Variants in SOX5 observed in about 807,000 individuals in gnomAD.
The protein encoded by SOX5 is transcription factor SOX-5.
In SOX5, 9 loss-of-function variants were observed where a neutral mutation model predicts 92.0. That is an observed-to-expected ratio of 0.10 (90% CI 0.06 to 0.17). The LOEUF (loss-of-function observed/expected upper bound fraction) is 0.17, where lower values mean the gene tolerates loss of function less well. Among genes scored for constraint, SOX5 ranks in the 10% least tolerant of loss-of-function variants. The pLI, the probability that SOX5 is intolerant of heterozygous loss-of-function variation, is 1.00. For missense variants in SOX5, 642 were observed against 944.5 expected (o/e 0.68, Z 4.20); for synonymous variants, 344 against 336.3 (o/e 1.02, Z -0.25).
At chr12:23,625,902 C>T (rs531480412) in intron 8 of SOX5, among the ~76,000 whole-genome samples, 35 of 152,150 alleles carry the variant, frequency 2.3e-4, no homozygotes, top group Admixed American at 3.3e-4. Flanking sequence ...CCACCGCGCC[C>T]GGCCTCAAGC....
chr12:24,343,053 A>T (rs546682607), intron 2 of SOX5, among the ~76,000 whole-genome samples: 2 of 152,352 alleles, frequency 1.3e-5, no homozygotes, highest in South Asian at 4.1e-4. Context: ...TTTTCCTAAA[A>T]GCAAGTTTAA....
In SOX5 at chr12:24,197,487, C is replaced by T. The variant is rs547267258; in HGVS notation, c.-2+15856G>A. On this transcript the variant is annotated intron_variant, in intron 4 of 4. Coordinates refer to the SOX5 transcript ENST00000446891. ...AGATTAGGAGCTGTGGCAGAGAACA[C>T]TAACTGGCTACCCAATACCCCTTCC... 2.0e-5 allele frequency among the ~76,000 whole-genome samples: 3 copies of T among 152,320 alleles called. No individual in the cohort carries two copies. In the East Asian group the frequency reaches 5.8e-4, roughly 29 times the overall value.
intron 2 of SOX5, among the ~76,000 whole-genome samples, chr12:23,863,949 C>A (rs925570931): frequency 6.6e-6 from 1 of 151,456 alleles, no homozygotes; most frequent in Non-Finnish European, 1.5e-5. Flanking sequence ...TGTTTTATGG[C>A]ACTCTGCTTT....
In SOX5 at chr12:24,456,047, T is replaced by C. The variant is rs888764486; in HGVS notation, c.-250-87408A>G. 7.2e-5 allele frequency among the ~76,000 whole-genome samples: 11 copies of C among 152,140 alleles called. 1 individual carries two copies. Among genetic ancestry groups the C allele is most frequent in the Admixed American group, 2.0e-4 (3 of 15,266 alleles). ...AGAGCAGAGGCGAAAGTCTTACTCC[T>C]CACAGGTGTTAATCCTGAGAGCACT... On this transcript the variant is annotated intron_variant, in intron 1 of 4. Transcript: ENST00000446891.
At chr12:24,171,229 G>GTTT (rs1285258917) in intron 4 of SOX5, among the ~76,000 whole-genome samples, 2 of 58,332 alleles carry the variant, frequency 3.4e-5, no homozygotes, top group Non-Finnish European at 5.7e-5. Flanking sequence ...TTGTTTGTTT[G>GTTT]TTTTTTTTTT....
At chr12:23,927,906 T>G (rs574746692) in intron 1 of SOX5, among the ~76,000 whole-genome samples, 1 of 152,162 alleles carries the variant, frequency 6.6e-6, no homozygotes, top group Non-Finnish European at 1.5e-5. Flanking sequence ...ACCTTGAAAT[T>G]TATCTGTCTC....
intron 2 of SOX5, among the ~76,000 whole-genome samples, chr12:24,332,311 C>CT (rs1271762280): frequency 2.6e-5 from 4 of 152,086 alleles, no homozygotes; most frequent in Admixed American, 6.5e-5. Context: ...CAGAACATGA[C>CT]TTTAAAACTC....
chr12:23,604,241 T>G (rs1771645774), intron 9 of SOX5, 146 bp downstream of exon 9: 1 of 692,000 alleles, frequency 1.4e-6, no homozygotes, highest in Admixed American at 2.6e-5. Flanking sequence ...TAAGTTGACA[T>G]GCACACCTGT....
chr12:23,966,323 A>G (rs1293876061), intron 4 of SOX5, among the ~76,000 whole-genome samples: 1 of 151,674 alleles, frequency 6.6e-6, no homozygotes, highest in Non-Finnish European at 1.5e-5. Flanking sequence ...TTTAGGCAGA[A>G]ACTGAAAGGC....
chr12:23,641,799 A>G (rs1300571042), intron 7 of SOX5, among the ~76,000 whole-genome samples: 1 of 152,270 alleles, frequency 6.6e-6, no homozygotes. Context: ...TAAAAATAAT[A>G]GAACAATTTT....
chr12:23,866,236 A>C (rs2096811928), intron 2 of SOX5, among the ~76,000 whole-genome samples: 1 of 152,232 alleles, frequency 6.6e-6, no homozygotes, highest in African/African-American at 2.4e-5. Context: ...TACAAAGGAA[A>C]GGTAACTATG....
chr12:24,257,551 C>T (rs985902509), intron 3 of SOX5, among the ~76,000 whole-genome samples: 2 of 152,100 alleles, frequency 1.3e-5, no homozygotes, highest in Middle Eastern at 3.2e-3. Flanking sequence ...TCACTTCAAC[C>T]TCTGCCTACC....
chr12:23,814,736 T>G (rs944357087), intron 3 of SOX5, among the ~76,000 whole-genome samples: 1 of 152,224 alleles, frequency 6.6e-6, no homozygotes, highest in Non-Finnish European at 1.5e-5. Flanking sequence ...CAAAGCACGT[T>G]AGAGACTGAA....
At chr12:24,285,658 A>G (rs1945778577) in intron 2 of SOX5, among the ~76,000 whole-genome samples, 1 of 152,180 alleles carries the variant, frequency 6.6e-6, no homozygotes, top group Non-Finnish European at 1.5e-5. Flanking sequence ...CTAGTTAACC[A>G]AGTTTATGTC....
intron 9 of SOX5, among the ~76,000 whole-genome samples, chr12:23,587,592 C>T (rs1950931483): frequency 6.6e-6 from 1 of 151,736 alleles, no homozygotes; most frequent in Non-Finnish European, 1.5e-5. Context: ...TGGTCGAGAC[C>T]CTCACAAAAT....
rs534125540 is a variant in SOX5, at chr12:24,236,119, G to C, written c.-76-22702C>G. The stretch of plus-strand genomic sequence containing the variant: ...AGGCAGGAGAATGGCGTGAACCCGG[G>C]AAGTGGGTTCACTGCTTGCAGTGAG... On this transcript the variant is annotated intron_variant, in intron 3 of 4. Transcript: ENST00000446891. 3.9e-5 allele frequency among the ~76,000 whole-genome samples: 6 copies of C among 152,250 alleles called. No individual in the cohort carries two copies. In the East Asian group the frequency reaches 1.2e-3, roughly 29 times the overall value.
In SOX5 at chr12:23,665,573, C is replaced by A; in HGVS notation, c.811-9G>T. On this transcript the variant is annotated splice_polypyrimidine_tract_variant and intron_variant, in intron 6 of 14. Coordinates refer to ENST00000451604, the MANE Select transcript of SOX5 (RefSeq NM_006940.6). ...GGCAGCTGACCTTGAACCTGCTGAACGTGATAGAGCGAATCAAAGAGAAGA... is the reference window on the plus strand; with the variant it reads ...GGCAGCTGACCTTGAACCTGCTGAAAGTGATAGAGCGAATCAAAGAGAAGA... 6.3e-7 allele frequency: 1 copy of A among 1,599,824 alleles called. No individual in the cohort carries two copies. Among genetic ancestry groups the A allele is most frequent in the Non-Finnish European group, 8.5e-7 (1 of 1,174,098 alleles).
In SOX5 at chr12:24,169,819, A is replaced by G. The variant is rs182257456; in HGVS notation, c.-2+43524T>C. Among the ~76,000 whole-genome samples the G allele has an allele frequency of 4.6e-3, 694 of 152,272 alleles. 17 individuals are homozygous for G. The highest frequency in any genetic ancestry group is 0.038 in the Admixed American group (588 of 15,290). On this transcript the variant is annotated intron_variant, in intron 4 of 4. Transcript: ENST00000446891. ...TTATAAACTTTGTTTCACTACAGAT[A>G]CATAGTAAATGATGGATCTGACTGA...
Position 23,949,587 on chromosome 12 carries a change from A to T in SOX5, c.15T>A (p.Pro5=). Residue 5 remains proline (P), a synonymous_variant, in exon 1 of 15, where the codon CCT becomes CCA. Transcript: ENST00000451604. ...ACCTTTCAAACTCCTGAGGTAAATC[A>T]GGGTCAGTAAGCATGCTGGAAAAGC... MLTD[P]DLPQEFERMS... 1.9e-6 allele frequency: 3 copies of T among 1,613,658 alleles called. No homozygotes were observed. Among genetic ancestry groups the T allele is most frequent in the Non-Finnish European group, 2.5e-6 (3 of 1,179,564 alleles).
Sources: gnomAD v4.1 joint callset for allele counts (sites outside exome capture counted in the v4.1 genomes callset) on GRCh38, gnomAD v4.1.1 for gene constraint, MANE v1.5 for transcripts, NCBI Gene and HGNC (gene_info 2026-07-23, HGNC 2026-07-21) for gene names.